Variants in NAGA observed in about 807,000 individuals in gnomAD.
NAGA encodes Acetylgalactosaminidase, alpha-N- (alpha-galactosidase B).
In NAGA, 42 loss-of-function variants were observed where a neutral mutation model predicts 45.6. The ratio of observed to expected loss-of-function variants is 0.92; its 90% CI spans 0.72 to 1.19. NAGA has a LOEUF of 1.19. Ranked by LOEUF, NAGA falls within the 50% of genes most tolerant of loss-of-function variation. NAGA has a pLI of 0.00. For missense variants in NAGA, 493 were observed against 544.8 expected (o/e 0.90, Z 0.95); for synonymous variants, 176 against 203.1 (o/e 0.87, Z 1.13).
intron 1 of NAGA, among the ~76,000 whole-genome samples, chr22:42,069,640 A>G (rs1016045929): frequency 4.9e-5 from 7 of 144,176 alleles, no homozygotes; most frequent in South Asian, 2.2e-4. Context: ...AAAAAAAAAA[A>G]GTGCGACAAC....
rs1399797250 is a variant in NAGA, at chr22:42,064,451, C to T, written c.759+1287G>A. Reference sequence around the variant, plus strand: ...GTCAGGAGTTTGAGACCAGTCTGGCCAACATGGTGAAACCCCATCTCTACT... The same window carrying T: ...GTCAGGAGTTTGAGACCAGTCTGGCTAACATGGTGAAACCCCATCTCTACT... On this transcript the variant is annotated intron_variant, in intron 6 of 8. Transcript: ENST00000396398. Among the ~76,000 whole-genome samples the T allele has an allele frequency of 3.5e-5, 5 of 143,460 alleles. No individual in the cohort carries two copies. In the Admixed American group the frequency reaches 3.7e-4, roughly 11 times the overall value. The allele number at this position is 143,460 out of a possible 152,430, so 94.1% of individuals were successfully genotyped here.
In NAGA at chr22:42,070,617, C is replaced by A. The variant is rs1926996055; in HGVS notation, c.-320G>T. 2 of 503,218 alleles carry A rather than the reference C, an allele frequency of 4.0e-6. No individual in the cohort carries two copies. Among genetic ancestry groups the A allele is most frequent in the Non-Finnish European group, 7.2e-6 (2 of 276,218 alleles). 31.2% of individuals were successfully genotyped at this position (503,218 alleles called of 1,614,324 possible). On this transcript the variant is annotated 5_prime_UTR_variant, in exon 1 of 9. Transcript: ENST00000396398. The stretch of plus-strand genomic sequence containing the variant: ...GGCCGCCTTCGGCCCCGCCCGGGCT[C>A]AGAAAAAGGCAGCCACTGGCTTAAG...
chr22:42,066,823 G>C lies in NAGA; in HGVS notation c.503-19C>G. On this transcript the variant is annotated intron_variant, in intron 4 of 8. Transcript: ENST00000396398. ...GGGTACCCTAGAGAAAGCCCAACCT[G>C]TTTCAGTCCTGAGGAAGTGCAGGAG... 1 of 1,593,254 alleles carries C rather than the reference G, an allele frequency of 6.3e-7. No homozygotes were observed. The highest frequency in any genetic ancestry group is 2.3e-5 in the East Asian group (1 of 43,980).
chr22:42,061,214 C>T (rs1226556667), intron 7 of NAGA, 147 bp from the exon 8 acceptor site: 11 of 982,898 alleles, frequency 1.1e-5, no homozygotes, highest in Non-Finnish European at 1.6e-5. Flanking sequence ...CCTCCAGCAC[C>T]CCAGCTTATC....
intron 6 of NAGA, among the ~76,000 whole-genome samples, chr22:42,064,855 C>T (rs1926633510): frequency 6.6e-6 from 1 of 152,184 alleles, no homozygotes; most frequent in Non-Finnish European, 1.5e-5. Context: ...TGGCCACACC[C>T]ACTTGCCCTA....
chr22:42,061,810 G>T (rs1926411247), intron 7 of NAGA, among the ~76,000 whole-genome samples: 1 of 151,930 alleles, frequency 6.6e-6, no homozygotes, highest in South Asian at 2.1e-4. Flanking sequence ...AAATTAGCCG[G>T]GTGTGGTGGC....
At chr22:42,063,852 G>C (rs1255286645) in intron 6 of NAGA, among the ~76,000 whole-genome samples, 1 of 152,066 alleles carries the variant, frequency 6.6e-6, no homozygotes. Context: ...CCAGGAGTTA[G>C]AGACCATCCT....
At chr22:42,066,204 A>ACCCACC (rs1926720716) in intron 5 of NAGA, among the ~76,000 whole-genome samples, 1 of 137,714 alleles carries the variant, frequency 7.3e-6, no homozygotes, top group South Asian at 2.6e-4. Flanking sequence ...CCTGACACCC[A>ACCCACC]CCCACCCCCA....
At chr22:42,065,964 C>T in intron 5 of NAGA, 65 bp from the exon 6 acceptor site, 1 of 1,585,006 alleles carries the variant, frequency 6.3e-7, no homozygotes, top group Non-Finnish European at 8.6e-7. Flanking sequence ...GGGACCCACA[C>T]AGGAGTTGAG....
At chr22:42,064,483 A>C (rs1926603207) in intron 6 of NAGA, among the ~76,000 whole-genome samples, 1 of 149,970 alleles carries the variant, frequency 6.7e-6, no homozygotes, top group South Asian at 2.1e-4. Flanking sequence ...TACTAAAAAA[A>C]AAAAAAAAAA....
intron 4 of NAGA, 119 bp downstream of exon 4, chr22:42,066,994 A>T (rs967004516): frequency 6.6e-7 from 1 of 1,508,152 alleles, no homozygotes; most frequent in African/African-American, 1.4e-5. Context: ...CCTGGGAGCC[A>T]CAATCCCCCT....
At chr22:42,061,165 C>T in intron 7 of NAGA, 98 bp from the exon 8 acceptor site, 1 of 1,454,978 alleles carries the variant, frequency 6.9e-7, no homozygotes, top group African/African-American at 1.4e-5. Context: ...CCCCAGTTCA[C>T]AGCTCCATGT....
intron 8 of NAGA, 60 bp downstream of exon 8, chr22:42,060,864 A>T: frequency 6.2e-7 from 1 of 1,610,038 alleles, no homozygotes; most frequent in Non-Finnish European, 8.5e-7. Flanking sequence ...CACCCCCCAT[A>T]ATACCCTCCC....
At chr22:42,068,015 A>G (rs543676636) in intron 2 of NAGA, 79 bp from the exon 3 acceptor site, 40 of 1,361,052 alleles carry the variant, frequency 2.9e-5, no homozygotes, top group Non-Finnish European at 4.1e-5. Context: ...CTCTGATTGA[A>G]TCTGGGCTAT....
chr22:42,066,971 C>G (rs1030886045), intron 4 of NAGA, 142 bp downstream of exon 4: 3 of 1,428,470 alleles, frequency 2.1e-6, no homozygotes, highest in Admixed American at 3.4e-5. Flanking sequence ...TGCTGCCACT[C>G]ATATTTAGGG....
chr22:42,061,097 G>A (rs1926357348), intron 7 of NAGA, 30 bp from the exon 8 acceptor site: 1 of 1,611,882 alleles, frequency 6.2e-7, no homozygotes, highest in Admixed American at 1.7e-5. Context: ...ACTGGCTGGG[G>A]TCCCTTGCTC....
rs141557187 is a variant in NAGA at position 42,067,133 on chromosome 22, G to A, written c.482C>T (p.Thr161Ile). Residue 161 changes from threonine (T) to isoleucine (I), a missense_variant, in exon 4 of 9, where the codon ACC becomes ATC. By Grantham distance (89) the Thr-to-Ile change is moderately conservative. Transcript: ENST00000396398. ...CTCACCCTGGGCCCGCTCCTCGGGG[G>A]TGGAGAAGCAGCCATCCAGCTTGAG... ...DMLKLDGCFS[T>I]PEERAQGYPK... 433 of 1,614,088 alleles carry A rather than the reference G, an allele frequency of 2.7e-4. 2 individuals are homozygous for A. The Admixed American group carries it at 3.1e-3, about 12-fold the overall frequency.
rs368577593 is a variant in NAGA at position 42,060,366 on chromosome 22, T to A, written c.1149A>T (p.Glu383Asp). 13 of 1,613,572 alleles carry A rather than the reference T, an allele frequency of 8.1e-6. No individual in the cohort carries two copies. The African/African-American group carries it at 1.6e-4, about 20-fold the overall frequency. ...GGTTGATGATCACTGTGAAGTTGGT[T>A]TCATCTCGGAGGCCACTGATGATGT... ...SGDIISGLRD[E>D]TNFTVIINPS... Residue 383 changes from glutamate (E) to aspartate (D), a missense_variant, in exon 9 of 9, where the codon GAA (glutamate) becomes GAT (aspartate). Transcript: ENST00000396398.
At chr22:42,063,286 C>T (rs568840189) in intron 6 of NAGA, among the ~76,000 whole-genome samples, 4 of 152,100 alleles carry the variant, frequency 2.6e-5, no homozygotes, top group Admixed American at 2.6e-4. Context: ...TGGCCAGGTG[C>T]GGCGGCTCAT....
Sources: gnomAD v4.1 joint callset for allele counts (sites outside exome capture counted in the v4.1 genomes callset) on GRCh38, gnomAD v4.1.1 for gene constraint, MANE v1.5 for transcripts, NCBI Gene and HGNC (gene_info 2026-07-23, HGNC 2026-07-21) for gene names.